Variants in RGS6 observed in about 807,000 individuals in gnomAD.
RGS6 encodes the protein regulator of G protein signaling 6.
In RGS6, 30 loss-of-function variants were observed where a neutral mutation model predicts 78.5. The observed-to-expected ratio is 0.38, with a 90% CI of 0.29 to 0.52. The LOEUF is 0.52. Ranked by LOEUF, RGS6 falls within the 20% of genes least tolerant of loss-of-function variation. The pLI, the probability that RGS6 is intolerant of heterozygous loss-of-function variation, is 0.85. For synonymous variants in RGS6, 206 were observed against 206.0 expected (o/e 1.00, Z 0.00); for missense variants, 495 against 609.7 (o/e 0.81, Z 1.98).
intron 3 of RGS6, among the ~76,000 whole-genome samples, chr14:72,352,556 A>C (rs1218777854): frequency 6.6e-6 from 1 of 152,186 alleles, no homozygotes; most frequent in Non-Finnish European, 1.5e-5. Flanking sequence ...AAATTCTACA[A>C]AATGCTTTTA....
intron 2 of RGS6, among the ~76,000 whole-genome samples, chr14:72,302,483 C>G (rs776587599): frequency 7.2e-5 from 11 of 152,140 alleles, no homozygotes; most frequent in Non-Finnish European, 1.0e-4. Context: ...ACTTCTAATT[C>G]TTTTTTTCCT....
the RGS6 span, among the ~76,000 whole-genome samples, chr14:72,580,443 G>C: frequency 6.6e-6 from 1 of 152,096 alleles, no homozygotes; most frequent in South Asian, 2.1e-4. Context: ...GAGGCTGATG[G>C]TCCCCAGAAG....
intron 3 of RGS6, among the ~76,000 whole-genome samples, chr14:72,427,739 G>A (rs578250957): frequency 6.6e-6 from 1 of 152,246 alleles, no homozygotes; most frequent in Admixed American, 6.5e-5. Context: ...CATTATCCAT[G>A]AAGGGGACCC....
chr14:72,541,270 C>A, intron 17 of RGS6: 7 of 1,449,058 alleles, frequency 4.8e-6, no homozygotes, highest in Non-Finnish European at 6.4e-6. Flanking sequence ...AAGAAAAAGT[C>A]TAAGGCTCCT....
chr14:71,950,622 G>A lies in RGS6; in HGVS notation c.-20-14150G>A, dbSNP rs76002902. ...TAGCAAAAGAAACTATCATCAGAGCGAACAGGCAGCCTACAGAATGGGAGA... is the reference window on the plus strand; with the variant it reads ...TAGCAAAAGAAACTATCATCAGAGCAAACAGGCAGCCTACAGAATGGGAGA... On this transcript the variant is annotated intron_variant, in intron 1 of 17. Coordinates refer to ENST00000553525, the MANE Select transcript of RGS6 (RefSeq NM_001204424.2). Among the ~76,000 whole-genome samples, 426 of 152,254 alleles carry A rather than the reference G, an allele frequency of 2.8e-3. 1 individual carries two copies. The highest frequency in any genetic ancestry group is 9.3e-3 in the African/African-American group (386 of 41,552).
intron 2 of RGS6, among the ~76,000 whole-genome samples, chr14:72,057,633 T>C (rs1325741547): frequency 6.6e-6 from 1 of 152,216 alleles, no homozygotes; most frequent in East Asian, 1.9e-4. Context: ...AGTGCTTTCC[T>C]TTAAGTGTTC....
intron 7 of RGS6, among the ~76,000 whole-genome samples, chr14:72,468,321 A>G (rs1397378099): frequency 6.6e-6 from 1 of 151,576 alleles, no homozygotes; most frequent in Non-Finnish European, 1.5e-5. Flanking sequence ...GGAGGTTGTG[A>G]GCCAAGATCG....
intron 17 of RGS6, 189 bp downstream of exon 17, chr14:72,540,283 A>G: frequency 6.6e-7 from 1 of 1,517,608 alleles, no homozygotes; most frequent in Non-Finnish European, 8.7e-7. Flanking sequence ...ATGAAAATGC[A>G]AAAAAGAGCA....
intron 7 of RGS6, among the ~76,000 whole-genome samples, chr14:72,467,192 A>C (rs1285786679): frequency 6.6e-6 from 1 of 152,128 alleles, no homozygotes; most frequent in African/African-American, 2.4e-5. Context: ...TGGGTCACAG[A>C]GAATGGGAGA....
chr14:72,186,277 T>C (rs1460054569), intron 2 of RGS6, among the ~76,000 whole-genome samples: 2 of 152,254 alleles, frequency 1.3e-5, no homozygotes, highest in African/African-American at 2.4e-5. Flanking sequence ...ACCTATGTTA[T>C]TTCTAAGTGT....
chr14:72,560,067 G>A (rs1030482107), intron 17 of RGS6, among the ~76,000 whole-genome samples: 1 of 152,044 alleles, frequency 6.6e-6, no homozygotes, highest in Non-Finnish European at 1.5e-5. Flanking sequence ...GGCTTTGAAT[G>A]TACTCATTGG....
intron 2 of RGS6, among the ~76,000 whole-genome samples, chr14:72,200,470 G>C (rs761303788): frequency 1.3e-5 from 2 of 152,144 alleles, no homozygotes; most frequent in African/African-American, 4.8e-5. Context: ...TTCTTCCAAG[G>C]GTGTTTGCAC....
chr14:71,882,736 A>C, the RGS6 span, among the ~76,000 whole-genome samples: 2 of 152,238 alleles, frequency 1.3e-5, no homozygotes, highest in Non-Finnish European at 2.9e-5. Context: ...TCCTTTCAGG[A>C]TATTTAATAG....
chr14:72,326,423 G>A (rs956522818), intron 2 of RGS6, among the ~76,000 whole-genome samples: 2 of 152,144 alleles, frequency 1.3e-5, no homozygotes, highest in African/African-American at 2.4e-5. Flanking sequence ...CAGTGTTGGA[G>A]GTGTTTGGGT....
chr14:72,256,500 A>C (rs1484379504), intron 2 of RGS6, among the ~76,000 whole-genome samples: 1 of 152,194 alleles, frequency 6.6e-6, no homozygotes, highest in Admixed American at 6.5e-5. Flanking sequence ...AAAGCAAGCT[A>C]GGGGACAATG....
At chr14:72,389,901 C>T (rs1194893076) in intron 3 of RGS6, among the ~76,000 whole-genome samples, 1 of 152,108 alleles carries the variant, frequency 6.6e-6, no homozygotes, top group African/African-American at 2.4e-5. Context: ...AATTAGTTTT[C>T]ATAAATTCTT....
At chr14:72,407,767 G>A (rs2153036057) in intron 3 of RGS6, among the ~76,000 whole-genome samples, 1 of 152,314 alleles carries the variant, frequency 6.6e-6, no homozygotes. Flanking sequence ...ATAGCTCATT[G>A]CTATTATGGC....
At chr14:72,014,720 C>T (rs1258681228) in intron 2 of RGS6, among the ~76,000 whole-genome samples, 1 of 152,200 alleles carries the variant, frequency 6.6e-6, no homozygotes, top group Non-Finnish European at 1.5e-5. Flanking sequence ...GGATGTTAAA[C>T]AGATGTTAAC....
At chr14:72,073,733 TC>T (rs2094484629) in intron 2 of RGS6, among the ~76,000 whole-genome samples, 1 of 152,198 alleles carries the variant, frequency 6.6e-6, no homozygotes, top group South Asian at 2.1e-4. Flanking sequence ...AATTTTTTTT[TC>T]TCACAAATTT....
Sources: allele counts gnomAD v4.1 joint callset (sites outside exome capture counted in the v4.1 genomes callset), GRCh38; gene constraint gnomAD v4.1.1; transcripts MANE v1.5; gene names NCBI Gene and HGNC (gene_info 2026-07-23, HGNC 2026-07-21).